The following LMO7 variants were observed in gnomAD, a reference collection of about 807,000 sequenced individuals.
The protein encoded by LMO7 is LIM domain 7.
LMO7 carries 120 observed loss-of-function variants against 206.5 expected under a neutral mutation model. The ratio of observed to expected loss-of-function variants is 0.58; its 90% CI spans 0.50 to 0.68. The LOEUF is 0.68. LMO7 is among the 30% of genes least tolerant of loss of function. The probability of loss-of-function intolerance (pLI) is 0.00; values close to 1 mark genes in which losing one functional copy is unlikely to be tolerated. For missense variants in LMO7, 1,959 were observed against 1,957.9 expected, an observed-to-expected ratio of 1.00 and a Z score of -0.01; for synonymous variants, 706 against 681.5, an observed-to-expected ratio of 1.04 and a Z score of -0.56.
chr13:75,675,918 G>A (rs2039973863), intron 1 of LMO7, among the ~76,000 whole-genome samples: 1 of 145,754 alleles, frequency 6.9e-6, no homozygotes, highest in Non-Finnish European at 1.5e-5. Context: ...ACACACACAC[G>A]TCATATACAC....
intron 1 of LMO7, among the ~76,000 whole-genome samples, chr13:75,675,759 GTTAC>G (rs1462183171): frequency 6.6e-6 from 1 of 152,184 alleles, no homozygotes; most frequent in African/African-American, 2.4e-5. Flanking sequence ...AAGAATGAGA[GTTAC>G]TTATTTAGTT....
intron 1 of LMO7, among the ~76,000 whole-genome samples, chr13:75,695,882 T>C (rs1225856046): frequency 6.6e-6 from 1 of 152,188 alleles, no homozygotes; most frequent in Admixed American, 6.5e-5. Context: ...TGATGATGTG[T>C]TTTAAACTTT....
intron 2 of LMO7, among the ~76,000 whole-genome samples, chr13:75,720,843 T>A (rs2043963608): frequency 6.6e-6 from 1 of 152,186 alleles, no homozygotes. Flanking sequence ...ATTACTACCA[T>A]AGAAATTCTA....
chr13:75,703,654 C>T, intron 1 of LMO7, among the ~76,000 whole-genome samples: 1 of 152,102 alleles, frequency 6.6e-6, no homozygotes, highest in East Asian at 1.9e-4. Flanking sequence ...AGTTAGGAGA[C>T]AGTCTTCATT....
intron 27 of LMO7, among the ~76,000 whole-genome samples, chr13:75,851,722 G>A (rs911551280): frequency 6.6e-6 from 1 of 152,214 alleles, no homozygotes; most frequent in African/African-American, 2.4e-5. Flanking sequence ...TGCAAAAGTT[G>A]TATTTAAATC....
chr13:75,727,172 T>C, intron 3 of LMO7, 74 bp downstream of exon 3: 2 of 893,950 alleles, frequency 2.2e-6, no homozygotes, highest in Non-Finnish European at 3.6e-6. Flanking sequence ...AGGCAGATTT[T>C]TGTATCTGCA....
At chr13:75,817,013 A>G in intron 11 of LMO7, 148 bp from the exon 12 acceptor site, 2 of 512,330 alleles carry the variant, frequency 3.9e-6, no homozygotes, top group Non-Finnish European at 7.0e-6. Flanking sequence ...AACACCATTT[A>G]TCTCTGTAGT....
rs532830796 is a variant in LMO7, at chr13:75,780,258, C to A, written c.318-15143C>A. On this transcript the variant is annotated intron_variant, in intron 4 of 30. Coordinates refer to ENST00000377534, the MANE Select transcript of LMO7 (RefSeq NM_001306080.2). ...CCAGGCTGGAATTTCCCAATCCTAA[C>A]AAGCCTGGGGGTGCTGCAGGAGACC... 3.3e-5 allele frequency among the ~76,000 whole-genome samples: 5 copies of A among 152,298 alleles called. No homozygotes were observed. The South Asian group carries it at 1.0e-3, about 32-fold the overall frequency.
intron 3 of LMO7, among the ~76,000 whole-genome samples, chr13:75,730,125 G>A (rs1189014578): frequency 6.6e-6 from 1 of 152,042 alleles, no homozygotes; most frequent in Non-Finnish European, 1.5e-5. Flanking sequence ...TTTGGTATCA[G>A]GATGATGCTG....
At chr13:75,764,578 T>A (rs572414451) in intron 4 of LMO7, among the ~76,000 whole-genome samples, 2 of 152,266 alleles carry the variant, frequency 1.3e-5, no homozygotes, top group South Asian at 4.1e-4. Flanking sequence ...ATTGGAGAAC[T>A]TGAAGTTGGC....
chr13:75,630,145 CTG>C (rs2034721582), intron 2 of LMO7, among the ~76,000 whole-genome samples: 1 of 152,178 alleles, frequency 6.6e-6, no homozygotes, highest in South Asian at 2.1e-4. Flanking sequence ...TGTAGTTATA[CTG>C]TGTTTTTTAA....
chr13:75,656,722 G>C (rs2038093368), intron 1 of LMO7, among the ~76,000 whole-genome samples: 1 of 152,090 alleles, frequency 6.6e-6, no homozygotes, highest in Non-Finnish European at 1.5e-5. Context: ...TCTTGGAAAG[G>C]TTACATCAAT....
chr13:75,771,261 T>G (rs893409677), intron 4 of LMO7, among the ~76,000 whole-genome samples: 1 of 152,140 alleles, frequency 6.6e-6, no homozygotes, highest in African/African-American at 2.4e-5. Context: ...TAAGAACATA[T>G]GTACCTTAGA....
chr13:75,724,101 C>T (rs1300018337), intron 2 of LMO7, among the ~76,000 whole-genome samples: 1 of 152,036 alleles, frequency 6.6e-6, no homozygotes, highest in Non-Finnish European at 1.5e-5. Context: ...CTGTTACTTT[C>T]AGGGTTAGGA....
upstream of LMO7, among the ~76,000 whole-genome samples, chr13:75,635,322 G>A (rs1026273353): frequency 1.3e-5 from 2 of 152,282 alleles, no homozygotes; most frequent in Non-Finnish European, 2.9e-5. Context: ...CCTCAGGAGC[G>A]TGGAGTGAGG....
At chr13:75,643,461 C>T (rs960709464) in intron 1 of LMO7, among the ~76,000 whole-genome samples, 8 of 152,152 alleles carry the variant, frequency 5.3e-5, no homozygotes, top group Non-Finnish European at 7.3e-5. Context: ...ACAGAATGTT[C>T]CCAAATACTT....
Position 75,804,446 on chromosome 13 carries a change from A to G in LMO7, c.819A>G (p.Pro273=), listed in dbSNP as rs1036404556. ...PNKSRQPSYV[P]APLRKKKPDK... ...AAAGTAGACAGCCATCCTATGTACC[A>G]GCACCTCTGAGAAAGAAAAAGCCAG... The change falls in exon 8 of 31, where the codon CCA becomes CCG. Residue 273 remains proline, a synonymous_variant. Transcript: ENST00000377534. 1 of 1,614,212 alleles carries G rather than the reference A, an allele frequency of 6.2e-7. No homozygotes were observed. The highest frequency in any genetic ancestry group is 8.5e-7 in the Non-Finnish European group (1 of 1,180,020).
chr13:75,713,227 C>G lies in LMO7; in HGVS notation c.115C>G (p.Leu39Val), dbSNP rs1477162142. Residue 39 changes from leucine to valine, a missense_variant, in exon 2 of 31, where the codon CTA becomes GTA. Transcript: ENST00000377534. The stretch of plus-strand genomic sequence containing the variant: ...TGAAACAAAAGATTTTCGAGCCTCT[C>G]TAGAAAATGGTGTTCTGCTGTGTGA... ...NFETKDFRAS[L>V]ENGVLLCDLI... 1 of 1,611,288 alleles carries G rather than the reference C, an allele frequency of 6.2e-7. No individual in the cohort carries two copies. Among genetic ancestry groups the G allele is most frequent in the Non-Finnish European group, 8.5e-7 (1 of 1,178,230 alleles).
At chr13:75,737,955 G>C (rs2046083078) in intron 3 of LMO7, among the ~76,000 whole-genome samples, 1 of 149,140 alleles carries the variant, frequency 6.7e-6, no homozygotes, top group South Asian at 2.1e-4. Flanking sequence ...GGTTCCCAAA[G>C]AGGAATCTGA....
Sources: allele counts gnomAD v4.1 joint callset (sites outside exome capture counted in the v4.1 genomes callset), GRCh38; gene constraint gnomAD v4.1.1; transcripts MANE v1.5; gene names NCBI Gene and HGNC (gene_info 2026-07-23, HGNC 2026-07-21).